PXDNL: variants seen among roughly 807,000 people sequenced by gnomAD.
PXDNL encodes the protein peroxidasin like, also known as probable oxidoreductase PXDNL.
A neutral mutation model predicts 150.8 loss-of-function variants in PXDNL; 145 were observed. The ratio of observed to expected loss-of-function variants is 0.96; its 90% CI spans 0.84 to 1.10. The LOEUF (loss-of-function observed/expected upper bound fraction) is 1.10. PXDNL is among the 50% of genes least tolerant of loss of function. The pLI is 0.00. For synonymous variants in PXDNL, 757 were observed against 725.7 expected, an observed-to-expected ratio of 1.04 and a Z score of -0.69; for missense variants, 2,087 against 1,873.9, an observed-to-expected ratio of 1.11 and a Z score of -2.10.
At chr8:51,692,450 T>G (rs1158679989) in intron 1 of PXDNL, among the ~76,000 whole-genome samples, 1 of 152,194 alleles carries the variant, frequency 6.6e-6, no homozygotes, top group Non-Finnish European at 1.5e-5. Flanking sequence ...AAAATTAAGT[T>G]TTACATGAGG....
rs188708891 is a variant in PXDNL, at chr8:51,475,158, G to A, written c.525-17C>T. The A allele has an allele frequency of 2.5e-6, 4 of 1,604,132 alleles. No individual in the cohort carries two copies. In the Admixed American group the frequency reaches 5.1e-5, roughly 20 times the overall value. On this transcript the variant is annotated splice_polypyrimidine_tract_variant and intron_variant, in intron 6 of 22. Transcript: ENST00000356297. ...TCCAGACGCCTAGGCATGCAGGCAA[G>A]AAGTACAACTGTTAAAAGGGACTAT... is the stretch of plus-strand genomic sequence containing the variant.
At chr8:51,381,911 G>A (rs986730261) in intron 17 of PXDNL, among the ~76,000 whole-genome samples, 6 of 151,794 alleles carry the variant, frequency 4.0e-5, no homozygotes, top group Admixed American at 2.0e-4. Context: ...TATGGCTACT[G>A]CTGACTTTAA....
intron 14 of PXDNL, among the ~76,000 whole-genome samples, chr8:51,416,626 A>C (rs1808807733): frequency 6.6e-6 from 1 of 152,212 alleles, no homozygotes. Flanking sequence ...GTGTTTTAAA[A>C]CCTATAGGCA....
chr8:51,718,224 T>C (rs1037367371), intron 1 of PXDNL, among the ~76,000 whole-genome samples: 1 of 151,906 alleles, frequency 6.6e-6, no homozygotes, highest in Non-Finnish European at 1.5e-5. Flanking sequence ...ACAGGCAGCC[T>C]CAGGGGTCTG....
intron 17 of PXDNL, among the ~76,000 whole-genome samples, chr8:51,391,043 AT>A (rs1807888714): frequency 6.6e-6 from 1 of 152,026 alleles, no homozygotes; most frequent in African/African-American, 2.4e-5. Flanking sequence ...ATGATTTCCA[AT>A]TTCATCCATG....
chr8:51,796,217 A>G (rs2037558436), intron 1 of PXDNL, among the ~76,000 whole-genome samples: 1 of 152,108 alleles, frequency 6.6e-6, no homozygotes, highest in African/African-American at 2.4e-5. Context: ...GAACCAGAGA[A>G]CTAAGAGAAA....
chr8:51,704,526 G>T (rs547025080), intron 1 of PXDNL, among the ~76,000 whole-genome samples: 1 of 152,304 alleles, frequency 6.6e-6, no homozygotes, highest in East Asian at 1.9e-4. Flanking sequence ...CCTAAGTTAT[G>T]CATATATTCC....
Position 51,408,229 on chromosome 8 carries a change from G to A in PXDNL, c.3395C>T (p.Ser1132Phe), listed in dbSNP as rs1377808031. 1.9e-6 allele frequency: 3 copies of A among 1,613,882 alleles called. No homozygotes were observed. The highest frequency in any genetic ancestry group is 2.7e-5 in the African/African-American group (2 of 74,918). Residue 1132 changes from serine (S) to phenylalanine (F), a missense_variant, in exon 17 of 23, where the codon TCT becomes TTT. Transcript: ENST00000356297. ...LTQRLFSAAY[S>F]AAVDSAATII... ...GGTGGCAGCCGAATCCACGGCCGCA[G>A]AATAAGCCGCGGAGAAGAGCCTCTG...
intron 19 of PXDNL, among the ~76,000 whole-genome samples, chr8:51,361,954 AAAAAAAAAAAAG>A (rs1806761550): frequency 6.8e-6 from 1 of 148,068 alleles, no homozygotes; most frequent in African/African-American, 2.6e-5. Context: ...AAAAAAAAAA[AAAAAAAAAAAAG>A]AAAAGAAAAG....
At chr8:51,395,913 T>TAATG (rs1355295305) in intron 17 of PXDNL, among the ~76,000 whole-genome samples, 1 of 152,174 alleles carries the variant, frequency 6.6e-6, no homozygotes, top group African/African-American at 2.4e-5. Context: ...CTCCACTGAG[T>TAATG]AATGGGACTG....
At chr8:51,494,107 G>C (rs1477587074) in intron 5 of PXDNL, among the ~76,000 whole-genome samples, 1 of 152,184 alleles carries the variant, frequency 6.6e-6, no homozygotes, top group South Asian at 2.1e-4. Context: ...CAAGCCAGAA[G>C]AGAGTGGGGG....
chr8:51,448,803 A>G (rs1330982396), intron 11 of PXDNL, among the ~76,000 whole-genome samples, 199 bp downstream of exon 11: 1 of 152,228 alleles, frequency 6.6e-6, no homozygotes, highest in Non-Finnish European at 1.5e-5. Context: ...TGATCTCAGG[A>G]AGGCCACACA....
At chr8:51,488,979 G>A (rs923901385) in intron 5 of PXDNL, among the ~76,000 whole-genome samples, 1 of 152,138 alleles carries the variant, frequency 6.6e-6, no homozygotes, top group African/African-American at 2.4e-5. Context: ...AGACAAATCG[G>A]AAACAAGAAA....
intron 3 of PXDNL, among the ~76,000 whole-genome samples, chr8:51,564,373 A>G (rs1812772488): frequency 1.3e-5 from 2 of 151,912 alleles, no homozygotes; most frequent in South Asian, 4.1e-4. Flanking sequence ...TTTATTTCCA[A>G]CTTTTATTTT....
chr8:51,788,817 G>GCTC (rs1369960570), intron 1 of PXDNL, among the ~76,000 whole-genome samples: 1 of 152,170 alleles, frequency 6.6e-6, no homozygotes, highest in African/African-American at 2.4e-5. Context: ...CAGATCTCAA[G>GCTC]TAGAGGTGTT....
At chr8:51,708,486 T>G (rs1192230649) in intron 1 of PXDNL, among the ~76,000 whole-genome samples, 1 of 152,218 alleles carries the variant, frequency 6.6e-6, no homozygotes, top group Non-Finnish European at 1.5e-5. Flanking sequence ...ACAGAACCCT[T>G]ATGAACTTAA....
intron 1 of PXDNL, among the ~76,000 whole-genome samples, chr8:51,727,456 A>G (rs1816836380): frequency 6.6e-6 from 1 of 152,196 alleles, no homozygotes; most frequent in African/African-American, 2.4e-5. Context: ...CTTCATGGCA[A>G]TGCTGGTGTT....
At chr8:51,716,953 G>T (rs1024488739) in intron 1 of PXDNL, among the ~76,000 whole-genome samples, 1 of 152,200 alleles carries the variant, frequency 6.6e-6, no homozygotes. Flanking sequence ...AGTTAGGAAT[G>T]ATTTGGGCTG....
chr8:51,499,438 T>C (rs1811135362), intron 5 of PXDNL, among the ~76,000 whole-genome samples: 1 of 152,196 alleles, frequency 6.6e-6, no homozygotes, highest in Non-Finnish European at 1.5e-5. Flanking sequence ...ACCCCTGATG[T>C]AAGTTTTTTA....
Sources: gnomAD v4.1 joint callset for allele counts (sites outside exome capture counted in the v4.1 genomes callset) on GRCh38, gnomAD v4.1.1 for gene constraint, MANE v1.5 for transcripts, NCBI Gene and HGNC (gene_info 2026-07-23, HGNC 2026-07-21) for gene names.